Variants in CLEC2A observed in about 807,000 individuals in gnomAD.
CLEC2A encodes the protein C-type lectin domain family 2 member A.
Under a neutral mutation model 18.6 loss-of-function variants are expected in CLEC2A, and 19 were observed. The observed-to-expected ratio is 1.02, with a 90% CI of 0.71 to 1.50. CLEC2A has a LOEUF of 1.50. Ranked by LOEUF, CLEC2A falls within the 40% of genes most tolerant of loss-of-function variation. The pLI, the probability that CLEC2A is intolerant of heterozygous loss-of-function variation, is 0.00. For missense variants in CLEC2A, 190 were observed against 207.9 expected (o/e 0.91, Z 0.53); for synonymous variants, 74 against 64.0 (o/e 1.16, Z -0.75).
At chr12:9,931,078 T>C (rs1863367966) in intron 1 of CLEC2A, among the ~76,000 whole-genome samples, 1 of 152,152 alleles carries the variant, frequency 6.6e-6, no homozygotes, top group African/African-American at 2.4e-5. Context: ...TAATGATTCC[T>C]GCAGCCCGGC....
At chr12:9,909,899 T>C (rs558698714), downstream of CLEC2A, among the ~76,000 whole-genome samples, 7 of 152,020 alleles carry the variant, frequency 4.6e-5, no homozygotes, top group East Asian at 7.7e-4. Flanking sequence ...TGGAGGAAGA[T>C]GGTCTAGGGG....
intron 4 of CLEC2A, among the ~76,000 whole-genome samples, chr12:9,906,754 G>A (rs141425068): frequency 1.5e-3 from 228 of 152,314 alleles, no homozygotes; most frequent in African/African-American, 5.4e-3. Context: ...CCTGGGAGGA[G>A]CCATCTATAA....
intron 1 of CLEC2A, among the ~76,000 whole-genome samples, 165 bp from the exon 2 acceptor site, chr12:9,926,508 A>T (rs1335494277): frequency 6.6e-6 from 1 of 152,226 alleles, no homozygotes; most frequent in Non-Finnish European, 1.5e-5. Flanking sequence ...TGCAAGGAAG[A>T]TAAGTACCAA....
chr12:9,925,477 A>G (rs1214133509), intron 2 of CLEC2A, among the ~76,000 whole-genome samples: 1 of 152,150 alleles, frequency 6.6e-6, no homozygotes, highest in African/African-American at 2.4e-5. Context: ...GAGGCAACTT[A>G]CTCATTCTGT....
At chr12:9,880,970 A>G in the CLEC2A span, among the ~76,000 whole-genome samples, 4 of 152,340 alleles carry the variant, frequency 2.6e-5, no homozygotes, top group East Asian at 7.7e-4. Flanking sequence ...TACTGAAGGA[A>G]AATCTGCCTG....
At chr12:9,930,138 C>T (rs1363330238) in intron 1 of CLEC2A, among the ~76,000 whole-genome samples, 1 of 152,078 alleles carries the variant, frequency 6.6e-6, no homozygotes, top group Non-Finnish European at 1.5e-5. Context: ...AGAATCTGTT[C>T]CAGGCCATTC....
At chr12:9,913,861 C>T (rs766082778) in intron 4 of CLEC2A, among the ~76,000 whole-genome samples, 181 bp from the exon 5 acceptor site, 1 of 152,150 alleles carries the variant, frequency 6.6e-6, no homozygotes, top group Non-Finnish European at 1.5e-5. Context: ...TAAGACTGAA[C>T]ATAAGTGTTG....
At chr12:9,886,991 C>T in the CLEC2A span, among the ~76,000 whole-genome samples, 4 of 151,512 alleles carry the variant, frequency 2.6e-5, no homozygotes, top group East Asian at 1.9e-4. Flanking sequence ...CCAAATATCC[C>T]GGAGCACAGA....
intron 1 of CLEC2A, among the ~76,000 whole-genome samples, chr12:9,931,183 A>G (rs1470777720): frequency 6.6e-6 from 1 of 152,148 alleles, no homozygotes; most frequent in Non-Finnish European, 1.5e-5. Flanking sequence ...TTTACTCTCT[A>G]AACTCTTAAA....
chr12:9,889,871 C>A, the CLEC2A span, among the ~76,000 whole-genome samples: 1 of 151,806 alleles, frequency 6.6e-6, no homozygotes, highest in African/African-American at 2.4e-5. Flanking sequence ...GTTAAATAAT[C>A]CCTATGTACC....
intron 4 of CLEC2A, 46 bp from the exon 5 acceptor site, chr12:9,913,726 T>G: frequency 8.0e-7 from 1 of 1,244,032 alleles, no homozygotes; most frequent in South Asian, 1.4e-5. Flanking sequence ...CTTACGGCTG[T>G]AATCAAAAAG....
At chr12:9,879,616 A>G in the CLEC2A span, among the ~76,000 whole-genome samples, 1 of 152,210 alleles carries the variant, frequency 6.6e-6, no homozygotes, top group Admixed American at 6.5e-5. Context: ...AGGGAACTAA[A>G]TCATCTTGAT....
At chr12:9,912,916 T>C (rs1204746976), downstream of CLEC2A, among the ~76,000 whole-genome samples, 3 of 152,220 alleles carry the variant, frequency 2.0e-5, no homozygotes, top group Middle Eastern at 3.2e-3. Context: ...TCTTACTATC[T>C]ATCCATTTAT....
downstream of CLEC2A, among the ~76,000 whole-genome samples, chr12:9,894,371 C>T (rs1007962763): frequency 1.3e-5 from 2 of 151,800 alleles, no homozygotes; most frequent in East Asian, 1.9e-4. Flanking sequence ...TTTGTAGAGA[C>T]GGGGTTTTGC....
chr12:9,913,756 T>C (rs1863024726), intron 4 of CLEC2A, 76 bp from the exon 5 acceptor site: 1 of 939,986 alleles, frequency 1.1e-6, no homozygotes, highest in Non-Finnish European at 1.6e-6. Context: ...AATAGAGTGA[T>C]TTTAAATATA....
the CLEC2A span, chr12:9,893,239 G>A: frequency 7.1e-7 from 1 of 1,403,428 alleles, no homozygotes; most frequent in Non-Finnish European, 9.6e-7. Context: ...TGCCTAAGAA[G>A]CTTGGGAGGT....
chr12:9,888,474 A>C, the CLEC2A span, among the ~76,000 whole-genome samples: 2 of 151,852 alleles, frequency 1.3e-5, no homozygotes, highest in Non-Finnish European at 2.9e-5. Flanking sequence ...TGGGCAACAG[A>C]GTGAGACTCT....
At chr12:9,916,596 T>A (rs547030492) in intron 4 of CLEC2A, 104 bp downstream of exon 4, 3 of 802,872 alleles carry the variant, frequency 3.7e-6, no homozygotes, top group East Asian at 2.7e-5. Context: ...TAATTCCACA[T>A]GGAAAACAGA....
chr12:9,894,062 CTTTT>C (rs755416544), downstream of CLEC2A, among the ~76,000 whole-genome samples: 2 of 151,240 alleles, frequency 1.3e-5, no homozygotes. Flanking sequence ...TTCTCTTTCT[CTTTT>C]TTCTTTCTCT....
Sources: allele counts gnomAD v4.1 joint callset (sites outside exome capture counted in the v4.1 genomes callset), GRCh38; gene constraint gnomAD v4.1.1; transcripts MANE v1.5; gene names NCBI Gene and HGNC (gene_info 2026-07-23, HGNC 2026-07-21).